The following EDEM1 variants were observed in gnomAD, a reference collection of about 807,000 sequenced individuals.
EDEM1 encodes the protein ER degradation enhancing alpha-mannosidase like protein 1, also known as ER degradation-enhancing alpha-mannosidase-like protein 1.
EDEM1 carries 67 observed loss-of-function variants against 74.4 expected under a neutral mutation model. The ratio of observed to expected loss-of-function variants is 0.90; its 90% CI spans 0.74 to 1.10. The LOEUF (loss-of-function observed/expected upper bound fraction) is 1.10. EDEM1 is among the 50% of genes least tolerant of loss of function. The pLI is 0.00. For missense variants in EDEM1, 926 were observed against 851.6 expected (o/e 1.09, Z -1.09); for synonymous variants, 382 against 335.9 (o/e 1.14, Z -1.50).
rs756827122 is a variant in EDEM1, at chr3:5,199,654, T to G, written c.645T>G (p.Phe215Leu). 1 of 1,613,826 alleles carries G rather than the reference T, an allele frequency of 6.2e-7. No homozygotes were observed. The highest frequency in any genetic ancestry group is 2.2e-5 in the East Asian group (1 of 44,880). The stretch of plus-strand genomic sequence containing the variant: ...AGTTAGTGATCAACACAGTTTCATT[T>G]GACAAAGATTCCACCGTCCAAGTCT... Reference protein sequence around the residue: ...AVKLVINTVSFDKDSTVQVFE... With the variant: ...AVKLVINTVSLDKDSTVQVFE... The change falls in exon 3 of 12, where the codon TTT becomes TTG. Residue 215 changes from phenylalanine to leucine, a missense_variant. Coordinates refer to ENST00000256497, the MANE Select transcript of EDEM1 (RefSeq NM_014674.3).
In EDEM1 at chr3:5,188,202, C is replaced by T. The variant is rs768257028; in HGVS notation, c.397C>T (p.Leu133=). 46 of 1,580,590 alleles carry T rather than the reference C, an allele frequency of 2.9e-5. No homozygotes were observed. Among genetic ancestry groups the T allele is most frequent in the Non-Finnish European group, 3.9e-5 (45 of 1,165,552 alleles). ...GCAGCTGCGTGCCCAGATGCGCGACCTGGCACGGGGCATGTTCGTCTTTGG... is the reference window on the plus strand; with the variant it reads ...GCAGCTGCGTGCCCAGATGCGCGACTTGGCACGGGGCATGTTCGTCTTTGG... ...PPQLRAQMRD[L]ARGMFVFGYD... Residue 133 remains leucine, a synonymous_variant, in exon 1 of 12, where the codon CTG becomes TTG. Coordinates refer to ENST00000256497, the MANE Select transcript of EDEM1 (RefSeq NM_014674.3).
rs1463304000 is a variant in EDEM1 at position 5,207,200 on chromosome 3, A to G, written c.1265A>G (p.Asn422Ser). 4 of 1,614,212 alleles carry G rather than the reference A, an allele frequency of 2.5e-6. No homozygotes were observed. Among genetic ancestry groups the G allele is most frequent in the Admixed American group, 1.7e-5 (1 of 60,036 alleles). Residue 422 changes from asparagine (N) to serine (S), a missense_variant, in exon 7 of 12, where the codon AAC becomes AGC. Asn to Ser is a conservative substitution (Grantham distance 46, BLOSUM62 1). Coordinates refer to ENST00000256497, the MANE Select transcript of EDEM1 (RefSeq NM_014674.3). Reference sequence around the variant, plus strand: ...GAAGGAGACCCTCCACTCTATGTCAACGTGAACATGTTCAGTGGGCAGCTG... The same window carrying G: ...GAAGGAGACCCTCCACTCTATGTCAGCGTGAACATGTTCAGTGGGCAGCTG... ...EGEGDPPLYV[N>S]VNMFSGQLMN...
At chr3:5,189,715 C>G (rs1384759216) in intron 1 of EDEM1, 1 of 152,300 alleles carries the variant, frequency 6.6e-6, no homozygotes, top group Non-Finnish European at 1.5e-5. Context: ...ATTCTCCTGC[C>G]TCAGCCTCCC....
chr3:5,190,219 C>T (rs2054885227), intron 1 of EDEM1, among the ~76,000 whole-genome samples: 1 of 152,144 alleles, frequency 6.6e-6, no homozygotes, highest in Admixed American at 6.5e-5. Flanking sequence ...TATTTTGGAT[C>T]TTAATTTGTG....
In EDEM1 at chr3:5,210,230, A is replaced by G; in HGVS notation, c.1565A>G (p.Glu522Gly). 6.2e-7 allele frequency: 1 copy of G among 1,614,176 alleles called. No homozygotes were observed. Among genetic ancestry groups the G allele is most frequent in the African/African-American group, 1.3e-5 (1 of 75,076 alleles). Residue 522 changes from glutamate (E) to glycine (G), a missense_variant, in exon 9 of 12, where the codon GAA becomes GGA. Glu to Gly is a moderately conservative substitution (Grantham distance 98). Transcript: ENST00000256497. ...HVGMDILQSLEKYTKVKCGYA... is the reference protein window; with the variant it reads ...HVGMDILQSLGKYTKVKCGYA... Reference sequence around the variant, plus strand: ...GGAATGGATATTCTGCAGAGTCTGGAAAAGTACACAAAAGTCAAGTCAGTT... The same window carrying G: ...GGAATGGATATTCTGCAGAGTCTGGGAAAGTACACAAAAGTCAAGTCAGTT...
chr3:5,208,319 G>A, intron 8 of EDEM1, 56 bp downstream of exon 8: 1 of 1,567,422 alleles, frequency 6.4e-7, no homozygotes, highest in East Asian at 2.2e-5. Flanking sequence ...GACCCCAGCA[G>A]TTCATTCTTA....
At position 5,213,345 on chromosome 3, in the gene EDEM1, C is replaced by T; in HGVS notation, c.1707C>T (p.His569=). ...YLLFDEDNPV[H]KSGTRYMFTT... ...TGTTTGATGAAGACAATCCAGTACACAAGTCTGGAACCAGATACATGTTCA... is the reference window on the plus strand; with the variant it reads ...TGTTTGATGAAGACAATCCAGTACATAAGTCTGGAACCAGATACATGTTCA... The change falls in exon 11 of 12, where the codon CAC becomes CAT. Residue 569 remains histidine (H), a synonymous_variant. Coordinates refer to ENST00000256497, the MANE Select transcript of EDEM1 (RefSeq NM_014674.3). 1 of 1,613,882 alleles carries T rather than the reference C, an allele frequency of 6.2e-7. No individual in the cohort carries two copies. Among genetic ancestry groups the T allele is most frequent in the Non-Finnish European group, 8.5e-7 (1 of 1,179,902 alleles).
chr3:5,214,713 C>T (rs1161694762), intron 11 of EDEM1, among the ~76,000 whole-genome samples: 2 of 152,184 alleles, frequency 1.3e-5, no homozygotes, highest in Non-Finnish European at 2.9e-5. Flanking sequence ...AGGTTCAGGT[C>T]CCACAGTGGA....
At chr3:5,211,038 A>G in intron 9 of EDEM1, 82 bp from the exon 10 acceptor site, 4 of 1,251,398 alleles carry the variant, frequency 3.2e-6, no homozygotes, top group Non-Finnish European at 4.6e-6. Flanking sequence ...GATTATTCTG[A>G]TAAGAGAATG....
intron 10 of EDEM1, among the ~76,000 whole-genome samples, chr3:5,212,192 A>G: frequency 6.6e-6 from 1 of 152,194 alleles, no homozygotes; most frequent in East Asian, 1.9e-4. Context: ...GTGGTTTCAC[A>G]TGAGCCAGGT....
Position 5,215,881 on chromosome 3 carries a change from A to G in EDEM1, c.1937A>G (p.Tyr646Cys), listed in dbSNP as rs892435504. ...TACTCCCTGCCCTTAAAGAGCATCT[A>G]CATGCGACAGATTGACCAGATGGTT... ...RRYSLPLKSI[Y>C]MRQIDQMVGL... Residue 646 changes from tyrosine to cysteine, a missense_variant, in exon 12 of 12, where the codon TAC becomes TGC. Physicochemically the swap from Tyr to Cys is radical, Grantham distance 194. Transcript: ENST00000256497. 2.5e-6 allele frequency: 4 copies of G among 1,613,260 alleles called. No individual in the cohort carries two copies. Among genetic ancestry groups the G allele is most frequent in the South Asian group, 1.1e-5 (1 of 90,786 alleles).
At chr3:5,192,396 T>G (rs1020965495) in intron 1 of EDEM1, among the ~76,000 whole-genome samples, 1 of 152,234 alleles carries the variant, frequency 6.6e-6, no homozygotes, top group Non-Finnish European at 1.5e-5. Flanking sequence ...AAAACACATA[T>G]GTTTGATTTT....
intron 2 of EDEM1, among the ~76,000 whole-genome samples, chr3:5,198,490 A>G (rs1207314343): frequency 6.6e-6 from 1 of 152,056 alleles, no homozygotes; most frequent in African/African-American, 2.4e-5. Flanking sequence ...TCAGATATGC[A>G]TTTTTCTTAG....
At chr3:5,213,270 C>A in intron 10 of EDEM1, 49 bp from the exon 11 acceptor site, 1 of 1,556,406 alleles carries the variant, frequency 6.4e-7, no homozygotes, top group Non-Finnish European at 8.8e-7. Flanking sequence ...TGATTCAGTT[C>A]CCAGTGTGCT....
intron 1 of EDEM1, among the ~76,000 whole-genome samples, chr3:5,188,634 G>A (rs1575581457): frequency 1.3e-5 from 2 of 152,354 alleles, no homozygotes; most frequent in South Asian, 4.1e-4. Context: ...GGGCTGGCTT[G>A]GAGGGCTTTC....
chr3:5,215,274 T>G (rs756300913), intron 11 of EDEM1, among the ~76,000 whole-genome samples: 1 of 149,252 alleles, frequency 6.7e-6, no homozygotes, highest in Non-Finnish European at 1.5e-5. Context: ...TGCATCTGCT[T>G]TGAGGAAAAA....
chr3:5,193,832 G>T (rs1355156560), intron 1 of EDEM1, among the ~76,000 whole-genome samples: 1 of 152,072 alleles, frequency 6.6e-6, no homozygotes, highest in East Asian at 1.9e-4. Flanking sequence ...TCCTGACCTT[G>T]GATGATCCAC....
chr3:5,194,574 A>T lies in EDEM1; in HGVS notation c.510-635A>T, dbSNP rs186308255. Among the ~76,000 whole-genome samples the T allele has an allele frequency of 5.9e-5, 9 of 152,314 alleles. No individual in the cohort carries two copies. In the East Asian group the frequency reaches 1.7e-3, roughly 29 times the overall value. On this transcript the variant is annotated intron_variant, in intron 1 of 11. Transcript: ENST00000256497. ...AGGTGTGTGGCAGAAACGTTTATGT[A>T]GCTCCAGTCAAGAAGTGAGAAAGGC...
intron 8 of EDEM1, among the ~76,000 whole-genome samples, chr3:5,209,738 G>T (rs1402790444): frequency 3.3e-5 from 5 of 152,186 alleles, no homozygotes; most frequent in Admixed American, 6.5e-5. Flanking sequence ...GGAAAGTCTT[G>T]TTCCCATCAG....
Sources: gnomAD v4.1 joint callset for allele counts (sites outside exome capture counted in the v4.1 genomes callset) on GRCh38, gnomAD v4.1.1 for gene constraint, MANE v1.5 for transcripts, NCBI Gene and HGNC (gene_info 2026-07-23, HGNC 2026-07-21) for gene names.